The following PTPRO variants were observed in gnomAD, a reference collection of about 807,000 sequenced individuals.
PTPRO encodes the protein protein tyrosine phosphatase receptor type O.
A neutral mutation model predicts 145.2 loss-of-function variants in PTPRO; 62 were observed. That is an observed-to-expected ratio of 0.43 (90% confidence interval 0.35 to 0.53). The LOEUF (loss-of-function observed/expected upper bound fraction) is 0.53. Ranked by LOEUF, PTPRO falls within the 20% of genes least tolerant of loss-of-function variation. The pLI, the probability that PTPRO is intolerant of heterozygous loss-of-function variation, is 0.01. For synonymous variants in PTPRO, 565 were observed against 514.7 expected (o/e 1.10, Z -1.32); for missense variants, 1,345 against 1,482.7 (o/e 0.91, Z 1.53).
intron 1 of PTPRO, among the ~76,000 whole-genome samples, chr12:15,387,745 A>G (rs1247175854): frequency 6.6e-6 from 1 of 152,252 alleles, no homozygotes; most frequent in African/African-American, 2.4e-5. Context: ...AGTGCAAGTT[A>G]TTTAAATCAG....
At chr12:15,478,558 G>A (rs962094817) in intron 1 of PTPRO, among the ~76,000 whole-genome samples, 3 of 152,186 alleles carry the variant, frequency 2.0e-5, no homozygotes, top group Non-Finnish European at 4.4e-5. Flanking sequence ...ATTTGGGTAT[G>A]GGGAAGGGAG....
intron 1 of PTPRO, among the ~76,000 whole-genome samples, chr12:15,438,141 C>T (rs572632315): frequency 6.6e-6 from 1 of 152,018 alleles, no homozygotes; most frequent in Admixed American, 6.5e-5. Context: ...CACAGTCACA[C>T]CCCATAAAGC....
intron 10 of PTPRO, among the ~76,000 whole-genome samples, chr12:15,521,472 T>A (rs1473966336): frequency 2.0e-5 from 3 of 152,198 alleles, no homozygotes; most frequent in Non-Finnish European, 4.4e-5. Flanking sequence ...AACTTCACTG[T>A]ATCAATAATT....
chr12:15,481,527 T>G (rs1941778907), intron 1 of PTPRO, among the ~76,000 whole-genome samples: 1 of 152,180 alleles, frequency 6.6e-6, no homozygotes, highest in Non-Finnish European at 1.5e-5. Flanking sequence ...TCAATGCCTA[T>G]CTCATATTAC....
In PTPRO at chr12:15,415,924, CT is replaced by C. The variant is rs145193403; in HGVS notation, c.76-68048del. Among the ~76,000 whole-genome samples the C allele has an allele frequency of 7.1e-3, 1,080 of 151,800 alleles. 91 individuals are homozygous for C. The East Asian group carries it at 0.17, about 24-fold the overall frequency. ...ACAGGTAACAATCGCAAGGATAAAC[CT>C]TGTTTGCCTAACAAGATAAAGGACT... On this transcript the variant is annotated intron_variant, in intron 1 of 26. Transcript: ENST00000281171.
intron 17 of PTPRO, among the ~76,000 whole-genome samples, chr12:15,562,679 A>G (rs1341077711): frequency 6.6e-6 from 1 of 151,486 alleles, no homozygotes; most frequent in Non-Finnish European, 1.5e-5. Context: ...ACTTAAGAGT[A>G]TGTTTCCTAT....
At chr12:15,440,102 C>T in intron 1 of PTPRO, 3 of 631,560 alleles carry the variant, frequency 4.8e-6, no homozygotes, top group South Asian at 1.7e-5. Context: ...TGTGCTGGTG[C>T]ACCTCATCCC....
intron 2 of PTPRO, among the ~76,000 whole-genome samples, chr12:15,489,124 A>C (rs1205216426): frequency 1.3e-5 from 2 of 152,308 alleles, no homozygotes; most frequent in Non-Finnish European, 2.9e-5. Flanking sequence ...GTACCAAAGA[A>C]ATAAAGATAG....
chr12:15,585,140 T>A (rs1308976978), intron 23 of PTPRO, among the ~76,000 whole-genome samples: 2 of 152,212 alleles, frequency 1.3e-5, no homozygotes, highest in East Asian at 3.8e-4. Context: ...ACTTTTTAAC[T>A]GAATACATTT....
rs148924999 is a variant in PTPRO, at chr12:15,339,651, C to T, written c.75+16850C>T. On this transcript the variant is annotated intron_variant, in intron 1 of 26. Transcript: ENST00000281171. ...TGGATCATGTTGTTTATGCATTAAT[C>T]GGTATGCACTCTTAGAGATAAATGA... Among the ~76,000 whole-genome samples the T allele has an allele frequency of 1.6e-3, 249 of 152,148 alleles. 2 individuals are homozygous for T. Among genetic ancestry groups the T allele is most frequent in the African/African-American group, 5.5e-3 (228 of 41,526 alleles).
intron 1 of PTPRO, among the ~76,000 whole-genome samples, chr12:15,424,703 G>C (rs1940236633): frequency 6.6e-6 from 1 of 151,992 alleles, no homozygotes; most frequent in Non-Finnish European, 1.5e-5. Flanking sequence ...TCTGAGCTGA[G>C]TCTTAAAAAT....
At chr12:15,566,302 G>A (rs1943896688) in intron 18 of PTPRO, among the ~76,000 whole-genome samples, 1 of 152,026 alleles carries the variant, frequency 6.6e-6, no homozygotes, top group African/African-American at 2.4e-5. Context: ...ATAGAACATT[G>A]GTGAATTAGT....
At chr12:15,404,269 C>T (rs939244496) in intron 1 of PTPRO, among the ~76,000 whole-genome samples, 4 of 151,022 alleles carry the variant, frequency 2.6e-5, no homozygotes, top group Admixed American at 1.3e-4. Flanking sequence ...TAACAAAATC[C>T]ATCTCTCACT....
intron 1 of PTPRO, among the ~76,000 whole-genome samples, chr12:15,358,570 T>C (rs1938072861): frequency 6.6e-6 from 1 of 152,158 alleles, no homozygotes; most frequent in African/African-American, 2.4e-5. Context: ...CAGTCAGGCT[T>C]TGGATCCTGG....
At chr12:15,323,782 T>G (rs1201333233) in intron 1 of PTPRO, among the ~76,000 whole-genome samples, 1 of 152,206 alleles carries the variant, frequency 6.6e-6, no homozygotes, top group African/African-American at 2.4e-5. Flanking sequence ...GATGCCAGGT[T>G]AATGGATCCA....
At chr12:15,327,015 CAG>C (rs1866464558) in intron 1 of PTPRO, among the ~76,000 whole-genome samples, 1 of 152,104 alleles carries the variant, frequency 6.6e-6, no homozygotes, top group Non-Finnish European at 1.5e-5. Flanking sequence ...GGTTAATAAA[CAG>C]ATTTAAATTT....
At chr12:15,399,130 T>G (rs1417777221) in intron 1 of PTPRO, among the ~76,000 whole-genome samples, 1 of 152,374 alleles carries the variant, frequency 6.6e-6, no homozygotes, top group Admixed American at 6.5e-5. Flanking sequence ...TTCATTTAGA[T>G]GCAAGTAAGA....
intron 23 of PTPRO, among the ~76,000 whole-genome samples, chr12:15,584,818 A>T (rs888376409): frequency 2.6e-5 from 4 of 152,242 alleles, no homozygotes; most frequent in African/African-American, 7.2e-5. Flanking sequence ...AGATAAAATT[A>T]CATAAATAAG....
At chr12:15,522,679 A>G (rs1335192279) in intron 10 of PTPRO, among the ~76,000 whole-genome samples, 1 of 152,154 alleles carries the variant, frequency 6.6e-6, no homozygotes, top group African/African-American at 2.4e-5. Flanking sequence ...TTTATTAGGA[A>G]CTCAAGTCTA....
Sources: gnomAD v4.1 joint callset for allele counts (sites outside exome capture counted in the v4.1 genomes callset) on GRCh38, gnomAD v4.1.1 for gene constraint, MANE v1.5 for transcripts, NCBI Gene and HGNC (gene_info 2026-07-23, HGNC 2026-07-21) for gene names.